Variants in ASTN2 observed in about 807,000 individuals in gnomAD.
ASTN2 encodes the protein astrotactin 2, also known as astrotactin-2.
ASTN2 carries 54 observed loss-of-function variants against 139.8 expected under a neutral mutation model. The ratio of observed to expected loss-of-function variants is 0.39; its 90% CI spans 0.31 to 0.48. ASTN2 has a LOEUF of 0.48. ASTN2 is among the 20% of genes least tolerant of loss of function. The pLI, the probability that ASTN2 is intolerant of heterozygous loss-of-function variation, is 0.95. For missense variants in ASTN2, 1,565 were observed against 1,725.1 expected, an observed-to-expected ratio of 0.91 and a Z score of 1.64; for synonymous variants, 756 against 719.5, an observed-to-expected ratio of 1.05 and a Z score of -0.81.
rs1331431032 is a variant in ASTN2 at position 117,067,341 on chromosome 9, G to C, written c.1277-27376C>G. On this transcript the variant is annotated intron_variant, in intron 5 of 22. Coordinates refer to ENST00000313400, the MANE Select transcript of ASTN2 (RefSeq NM_001365068.1). ...TAGGTATGCGGCATTATTTCTGAGG[G>C]CTCTGTTCTGTTCCATTGATCTATA... Among the ~76,000 whole-genome samples, 7 of 137,168 alleles carry C rather than the reference G, an allele frequency of 5.1e-5. No homozygotes were observed. In the South Asian group the frequency reaches 1.5e-3, roughly 30 times the overall value. 90.0% of individuals were successfully genotyped at this position (137,168 alleles called of 152,430 possible). A position where few individuals can be genotyped will look rare whatever the true frequency, so the allele number is the denominator to read the frequency against.
chr9:116,789,818 G>T (rs1300907302), intron 13 of ASTN2, among the ~76,000 whole-genome samples: 1 of 151,840 alleles, frequency 6.6e-6, no homozygotes, highest in African/African-American at 2.4e-5. Flanking sequence ...ACACAATTTT[G>T]GAGTAAGTGG....
At chr9:117,138,818 G>A (rs1403829076) in intron 4 of ASTN2, among the ~76,000 whole-genome samples, 1 of 152,114 alleles carries the variant, frequency 6.6e-6, no homozygotes. Flanking sequence ...ATCTGACTAT[G>A]AAATTCTTCT....
At chr9:116,811,569 G>T (rs1831169245) in intron 12 of ASTN2, among the ~76,000 whole-genome samples, 1 of 152,140 alleles carries the variant, frequency 6.6e-6, no homozygotes, top group South Asian at 2.1e-4. Context: ...AACTAAACTT[G>T]AGTTCAAATA....
intron 1 of ASTN2, among the ~76,000 whole-genome samples, chr9:117,344,455 A>T (rs1479141555): frequency 6.6e-6 from 1 of 152,046 alleles, no homozygotes; most frequent in Non-Finnish European, 1.5e-5. Flanking sequence ...CAGAAGGAAA[A>T]GTGTTGTATT....
intron 1 of ASTN2, among the ~76,000 whole-genome samples, chr9:117,389,988 A>G (rs1830500898): frequency 6.6e-6 from 1 of 152,156 alleles, no homozygotes; most frequent in Non-Finnish European, 1.5e-5. Flanking sequence ...ATGCACCATG[A>G]GTGAAGGTGG....
intron 19 of ASTN2, among the ~76,000 whole-genome samples, chr9:116,571,654 C>T (rs780794390): frequency 6.6e-6 from 1 of 152,122 alleles, no homozygotes; most frequent in African/African-American, 2.4e-5. Flanking sequence ...GCTATGTTTA[C>T]GCATCTGTGT....
At chr9:117,138,130 ATATTT>A (rs1204607095) in intron 4 of ASTN2, among the ~76,000 whole-genome samples, 2 of 152,202 alleles carry the variant, frequency 1.3e-5, no homozygotes, top group African/African-American at 2.4e-5. Context: ...TATGAATCTT[ATATTT>A]TAGAGAGGAG....
intron 2 of ASTN2, among the ~76,000 whole-genome samples, chr9:117,270,472 C>CA (rs1344490832): frequency 6.6e-6 from 1 of 152,168 alleles, no homozygotes; most frequent in African/African-American, 2.4e-5. Flanking sequence ...GTCACAGAGA[C>CA]ATTAAATGGC....
intron 19 of ASTN2, among the ~76,000 whole-genome samples, chr9:116,589,043 T>C (rs1326555753): frequency 6.6e-6 from 1 of 152,174 alleles, no homozygotes; most frequent in Admixed American, 6.5e-5. Context: ...AATTAGCAAA[T>C]ACGTATTCAG....
intron 1 of ASTN2, among the ~76,000 whole-genome samples, chr9:117,357,739 T>A (rs1829581679): frequency 6.6e-6 from 1 of 152,186 alleles, no homozygotes; most frequent in African/African-American, 2.4e-5. Context: ...CCTGCCTATT[T>A]TGACTAGAGT....
At chr9:117,225,884 T>C (rs77851963) in intron 2 of ASTN2, among the ~76,000 whole-genome samples, 17,773 of 152,176 alleles carry the variant, frequency 0.12, 2,186 homozygotes, top group African/African-American at 0.31. Flanking sequence ...TAACTCTTAC[T>C]ACTATTATTG....
intron 10 of ASTN2, among the ~76,000 whole-genome samples, chr9:116,937,304 TC>T (rs1275720087): frequency 6.6e-6 from 1 of 152,068 alleles, no homozygotes; most frequent in Non-Finnish European, 1.5e-5. Flanking sequence ...CCCACCTCCT[TC>T]CTTATTCCCT....
intron 20 of ASTN2, among the ~76,000 whole-genome samples, chr9:116,480,688 A>T (rs1162362100): frequency 6.6e-6 from 1 of 152,244 alleles, no homozygotes; most frequent in Non-Finnish European, 1.5e-5. Context: ...GCAACATCTA[A>T]TCATGGACCT....
intron 19 of ASTN2, among the ~76,000 whole-genome samples, chr9:116,553,941 T>C: frequency 6.6e-6 from 1 of 152,260 alleles, no homozygotes; most frequent in East Asian, 1.9e-4. Context: ...AGGTGTAAGT[T>C]GTTCAGTGAG....
chr9:117,411,916 G>GGGC (rs1465020764), intron 1 of ASTN2, among the ~76,000 whole-genome samples: 6 of 152,088 alleles, frequency 3.9e-5, no homozygotes. Flanking sequence ...GGATGGGATG[G>GGGC]GGCTGCCTTG....
chr9:117,357,625 A>C (rs1829577838), intron 1 of ASTN2, among the ~76,000 whole-genome samples: 2 of 151,936 alleles, frequency 1.3e-5, no homozygotes, highest in Non-Finnish European at 2.9e-5. Context: ...TAGTGTTATC[A>C]TTTTCTCTAT....
chr9:117,159,792 C>G (rs116391163), intron 3 of ASTN2, among the ~76,000 whole-genome samples: 1 of 151,998 alleles, frequency 6.6e-6, no homozygotes, highest in African/African-American at 2.4e-5. Context: ...ATTTAATCCT[C>G]GATTCTACTC....
At chr9:116,791,882 G>T (rs1332698490) in intron 13 of ASTN2, among the ~76,000 whole-genome samples, 1 of 152,162 alleles carries the variant, frequency 6.6e-6, no homozygotes, top group Non-Finnish European at 1.5e-5. Flanking sequence ...AAAAAGGGGG[G>T]AAAGCGAGCT....
chr9:117,211,021 G>A (rs534998889), intron 3 of ASTN2, among the ~76,000 whole-genome samples: 19 of 146,748 alleles, frequency 1.3e-4, no homozygotes, highest in African/African-American at 1.2e-4. Context: ...ATATCTCCTC[G>A]TGATAAAAAC....
Sources: gnomAD v4.1 joint callset for allele counts (sites outside exome capture counted in the v4.1 genomes callset) on GRCh38, gnomAD v4.1.1 for gene constraint, MANE v1.5 for transcripts, NCBI Gene and HGNC (gene_info 2026-07-23, HGNC 2026-07-21) for gene names.